TMEM178B: variants seen among roughly 807,000 people sequenced by gnomAD.
TMEM178B encodes the protein transmembrane protein 178B.
In TMEM178B, 5 loss-of-function variants were observed where a neutral mutation model predicts 31.0. That is an observed-to-expected ratio of 0.16 (90% CI 0.08 to 0.34). The LOEUF (loss-of-function observed/expected upper bound fraction) is 0.34, where lower values mean the gene tolerates loss of function less well. Ranked by LOEUF, TMEM178B falls within the 10% of genes least tolerant of loss-of-function variation. The pLI, the probability that TMEM178B is intolerant of heterozygous loss-of-function variation, is 1.00. For missense variants in TMEM178B, 275 were observed against 400.3 expected (o/e 0.69, Z 2.67); for synonymous variants, 164 against 164.0 (o/e 1.00, Z 0.00).
intron 1 of TMEM178B, among the ~76,000 whole-genome samples, chr7:141,080,221 C>A (rs769177482): frequency 3.9e-5 from 6 of 152,196 alleles, no homozygotes; most frequent in Non-Finnish European, 7.3e-5. Context: ...AGGACACATT[C>A]ATTCATTCAA....
the TMEM178B span, among the ~76,000 whole-genome samples, chr7:141,489,860 C>T: frequency 9.6e-3 from 1,466 of 152,306 alleles, 13 homozygotes; most frequent in Non-Finnish European, 0.014. Context: ...TTGTGCAGTA[C>T]ACAACCTGGA....
chr7:141,169,128 G>C (rs559255303), intron 1 of TMEM178B, among the ~76,000 whole-genome samples: 2 of 152,298 alleles, frequency 1.3e-5, no homozygotes, highest in East Asian at 3.9e-4. Flanking sequence ...TGGTTGTACA[G>C]ATTATTTTAT....
intron 2 of TMEM178B, among the ~76,000 whole-genome samples, chr7:141,398,932 A>G (rs1586934700): frequency 6.6e-6 from 1 of 152,192 alleles, no homozygotes; most frequent in East Asian, 1.9e-4. Context: ...CATTAAGGAG[A>G]GATGGCTCAA....
intron 2 of TMEM178B, among the ~76,000 whole-genome samples, chr7:141,412,505 C>G (rs1260320889): frequency 6.6e-6 from 1 of 152,116 alleles, no homozygotes; most frequent in Non-Finnish European, 1.5e-5. Flanking sequence ...AGAGTTGCAC[C>G]AGCCTGAATT....
chr7:141,087,541 G>A (rs566417194), intron 1 of TMEM178B, among the ~76,000 whole-genome samples: 40 of 152,250 alleles, frequency 2.6e-4, no homozygotes, highest in Middle Eastern at 3.4e-3. Context: ...AGCTATTGAG[G>A]GTGTGAGACA....
chr7:141,137,483 T>C (rs1374952787), intron 1 of TMEM178B, among the ~76,000 whole-genome samples: 1 of 152,244 alleles, frequency 6.6e-6, no homozygotes, highest in African/African-American at 2.4e-5. Flanking sequence ...ATATCACATG[T>C]TCTCATATAT....
intron 2 of TMEM178B, among the ~76,000 whole-genome samples, chr7:141,299,791 T>G (rs187002510): frequency 6.6e-6 from 1 of 152,144 alleles, no homozygotes; most frequent in African/African-American, 2.4e-5. Context: ...CTTCTTTTAT[T>G]TGTTTTATTT....
At chr7:141,274,091 T>C (rs1798229081) in intron 2 of TMEM178B, among the ~76,000 whole-genome samples, 1 of 152,236 alleles carries the variant, frequency 6.6e-6, no homozygotes. Context: ...TGCTCAAATG[T>C]CACGTCTTTA....
chr7:141,425,983 A>G (rs553474871), intron 2 of TMEM178B, among the ~76,000 whole-genome samples: 8 of 152,280 alleles, frequency 5.3e-5, no homozygotes, highest in African/African-American at 1.4e-4. Flanking sequence ...TCTGTGGGCT[A>G]TCATATGTGC....
chr7:141,236,366 A>G (rs1483479940), intron 2 of TMEM178B, among the ~76,000 whole-genome samples: 3 of 152,264 alleles, frequency 2.0e-5, no homozygotes, highest in African/African-American at 7.2e-5. Context: ...TGGGGTTACC[A>G]GGACCCCTGG....
Position 141,461,045 on chromosome 7 carries a change from G to A in TMEM178B, c.635-9491G>A, listed in dbSNP as rs990141023. On this transcript the variant is annotated intron_variant, in intron 3 of 3. Coordinates refer to ENST00000565468, the MANE Select transcript of TMEM178B (RefSeq NM_001195278.2). The surrounding 1 kb of genome is among the most constrained non-coding windows in gnomAD (Gnocchi z 4.0). ...CTCTCGAGAGCTAAATGCGGCTGAAGCATTTAATCTAAGCAAAGGCAGGGT... is the reference window on the plus strand; with the variant it reads ...CTCTCGAGAGCTAAATGCGGCTGAAACATTTAATCTAAGCAAAGGCAGGGT... 1.3e-5 allele frequency among the ~76,000 whole-genome samples: 2 copies of A among 152,230 alleles called. No homozygotes were observed. Among genetic ancestry groups the A allele is most frequent in the African/African-American group, 4.8e-5 (2 of 41,460 alleles).
intron 2 of TMEM178B, among the ~76,000 whole-genome samples, chr7:141,299,185 TC>T (rs1798684029): frequency 6.6e-6 from 1 of 152,128 alleles, no homozygotes; most frequent in Admixed American, 6.5e-5. Context: ...GTTTCTTTTT[TC>T]TCTTTTTTGA....
chr7:141,295,207 A>G (rs181354089), intron 2 of TMEM178B, among the ~76,000 whole-genome samples: 5 of 152,330 alleles, frequency 3.3e-5, no homozygotes, highest in African/African-American at 4.8e-5. Context: ...GAAGGTATCC[A>G]GATTCCAGAA....
At chr7:141,128,035 T>A (rs1338444914) in intron 1 of TMEM178B, among the ~76,000 whole-genome samples, 2 of 152,214 alleles carry the variant, frequency 1.3e-5, no homozygotes, top group African/African-American at 4.8e-5. Flanking sequence ...TCGCTGGCTA[T>A]TTATTCCTGT....
At chr7:141,297,411 G>A (rs1320267007) in intron 2 of TMEM178B, among the ~76,000 whole-genome samples, 5 of 151,978 alleles carry the variant, frequency 3.3e-5, no homozygotes, top group Admixed American at 1.3e-4. Context: ...CAACGTGCAG[G>A]TCTGTTACAT....
intron 2 of TMEM178B, among the ~76,000 whole-genome samples, chr7:141,428,219 T>A (rs1178248699): frequency 5.9e-5 from 9 of 151,290 alleles, no homozygotes; most frequent in Non-Finnish European, 1.3e-4. Flanking sequence ...CAAAAAAAAA[T>A]TAGCTGGGCA....
chr7:141,106,247 C>T (rs1586771630), intron 1 of TMEM178B, among the ~76,000 whole-genome samples: 1 of 152,022 alleles, frequency 6.6e-6, no homozygotes, highest in East Asian at 1.9e-4. Flanking sequence ...CTGGGGTTCC[C>T]CTGCTTCCTA....
In TMEM178B at chr7:141,267,037, G is replaced by C. The variant is rs560614400; in HGVS notation, c.496+54333G>C. ...CAGGGTGACAGTAGTAGGTTAGCAG[G>C]TGTGTCACCTGCCCTTTCCTGCTAC... On this transcript the variant is annotated intron_variant, in intron 2 of 3. Transcript: ENST00000565468. Among the ~76,000 whole-genome samples the C allele has an allele frequency of 1.3e-4, 20 of 152,310 alleles. No homozygotes were observed. In the South Asian group the frequency reaches 4.1e-3, roughly 32 times the overall value.
At chr7:141,162,065 A>G (rs1796184238) in intron 1 of TMEM178B, among the ~76,000 whole-genome samples, 1 of 152,166 alleles carries the variant, frequency 6.6e-6, no homozygotes, top group Admixed American at 6.5e-5. Flanking sequence ...CAGATGCCCC[A>G]CAGTCAGGTG....
Sources: gnomAD v4.1 joint callset for allele counts (sites outside exome capture counted in the v4.1 genomes callset) on GRCh38, gnomAD v4.1.1 for gene constraint, Gnocchi (gnomAD v3.1) non-coding constraint, MANE v1.5 for transcripts, NCBI Gene and HGNC (gene_info 2026-07-23, HGNC 2026-07-21) for gene names.